CPVL: variants seen among roughly 807,000 people sequenced by gnomAD.
The protein encoded by CPVL is probable serine carboxypeptidase CPVL.
In CPVL, 51 loss-of-function variants were observed where a neutral mutation model predicts 63.7. That is an observed-to-expected ratio of 0.80 (90% CI 0.64 to 1.01). The LOEUF (loss-of-function observed/expected upper bound fraction) is 1.01. CPVL is among the 50% of genes least tolerant of loss of function. The probability of loss-of-function intolerance (pLI) is 0.00; values close to 1 mark genes in which losing one functional copy is unlikely to be tolerated. For synonymous variants in CPVL, 195 were observed against 206.0 expected (o/e 0.95, Z 0.46); for missense variants, 530 against 573.1 (o/e 0.92, Z 0.77).
chr7:29,007,741 T>G (rs1410710426), intron 12 of CPVL, among the ~76,000 whole-genome samples: 1 of 137,116 alleles, frequency 7.3e-6, no homozygotes, highest in Non-Finnish European at 1.5e-5. Flanking sequence ...CCTTGAGAGA[T>G]GTAGTATTAA....
At chr7:29,075,141 G>A (rs909666846) in intron 7 of CPVL, among the ~76,000 whole-genome samples, 2 of 152,050 alleles carry the variant, frequency 1.3e-5, no homozygotes, top group Non-Finnish European at 2.9e-5. Flanking sequence ...TTTCTGACAT[G>A]GAAGGGCATG....
chr7:29,128,588 C>A (rs58199985), intron 1 of CPVL, among the ~76,000 whole-genome samples: 1 of 151,490 alleles, frequency 6.6e-6, no homozygotes, highest in African/African-American at 2.4e-5. Flanking sequence ...TGGTGGCACA[C>A]GCCTGTAATC....
intron 1 of CPVL, chr7:29,192,724 T>C (rs886949765): frequency 6.6e-6 from 1 of 150,946 alleles, no homozygotes; most frequent in Admixed American, 6.6e-5. Context: ...TTGTGGCAGG[T>C]GTAGAAACTG....
chr7:29,088,951 G>T (rs1242730590), intron 6 of CPVL, among the ~76,000 whole-genome samples: 1 of 152,160 alleles, frequency 6.6e-6, no homozygotes, highest in Non-Finnish European at 1.5e-5. Flanking sequence ...CTCCAGCCTG[G>T]CGACATAGTG....
chr7:29,028,966 CA>C (rs59054295), intron 12 of CPVL, among the ~76,000 whole-genome samples: 2,169 of 88,474 alleles, frequency 0.025, 40 homozygotes, highest in African/African-American at 0.078. Flanking sequence ...GACTCCATCT[CA>C]AAAAAAAAAA....
chr7:29,059,507 A>C (rs1377133055), intron 11 of CPVL, among the ~76,000 whole-genome samples: 1 of 152,240 alleles, frequency 6.6e-6, no homozygotes, highest in Non-Finnish European at 1.5e-5. Context: ...AGCATGATCA[A>C]GTGGGATTTA....
intron 9 of CPVL, among the ~76,000 whole-genome samples, chr7:29,071,200 C>T (rs1304653589): frequency 2.0e-5 from 3 of 152,036 alleles, no homozygotes; most frequent in East Asian, 1.9e-4. Context: ...GAGTGAAGAA[C>T]GTAATTATTG....
intron 1 of CPVL, among the ~76,000 whole-genome samples, chr7:29,130,098 T>C (rs1467780492): frequency 6.6e-6 from 1 of 152,166 alleles, no homozygotes; most frequent in Non-Finnish European, 1.5e-5. Flanking sequence ...GTTACCCAGA[T>C]GGTGGTGTTT....
At chr7:29,160,120 A>C (rs1794975422) in intron 5 of CPVL, among the ~76,000 whole-genome samples, 1 of 152,132 alleles carries the variant, frequency 6.6e-6, no homozygotes, top group African/African-American at 2.4e-5. Context: ...CTTTCCTAAG[A>C]TCAACATGGT....
At chr7:29,164,575 A>G (rs1795643296) in intron 5 of CPVL, among the ~76,000 whole-genome samples, 1 of 151,912 alleles carries the variant, frequency 6.6e-6, no homozygotes, top group Admixed American at 6.6e-5. Flanking sequence ...ATTTGAACTC[A>G]GAAGAGACCA....
At position 29,066,065 on chromosome 7, in the gene CPVL, A is replaced by G; in HGVS notation, c.921T>C (p.Asn307=). The change falls in exon 10 of 13, where the codon AAT becomes AAC. Residue 307 remains asparagine, a synonymous_variant. Transcript: ENST00000265394. ...DLTSDPSYFQ[N]VTGCSNYYNF... is the part of the protein sequence containing the mutation. ...TATAGTAATTACTACATCCTGTAAC[A>G]TTCTGGAAGTAAGAAGGATCACTTG... 1 of 1,610,174 alleles carries G rather than the reference A, an allele frequency of 6.2e-7. No individual in the cohort carries two copies. Among genetic ancestry groups the G allele is most frequent in the Non-Finnish European group, 8.5e-7 (1 of 1,177,166 alleles).
At chr7:29,029,838 G>C (rs1230485714) in intron 12 of CPVL, among the ~76,000 whole-genome samples, 1 of 152,118 alleles carries the variant, frequency 6.6e-6, no homozygotes, top group Non-Finnish European at 1.5e-5. Context: ...CATGTTTGAG[G>C]TGATGGATAT....
chr7:29,133,266 A>T (rs1409552557), intron 1 of CPVL, among the ~76,000 whole-genome samples: 1 of 151,986 alleles, frequency 6.6e-6, no homozygotes, highest in East Asian at 1.9e-4. Flanking sequence ...CATCTTGCCA[A>T]AATCATTAAT....
chr7:29,182,045 T>A (rs2190646), intron 4 of CPVL, among the ~76,000 whole-genome samples: 19,767 of 152,230 alleles, frequency 0.13, 1,804 homozygotes, highest in East Asian at 0.44. Context: ...TTATAACTAT[T>A]TCTTTCAGTG....
intron 5 of CPVL, among the ~76,000 whole-genome samples, chr7:29,165,128 TAA>T (rs1795737215): frequency 6.6e-6 from 1 of 152,200 alleles, no homozygotes; most frequent in African/African-American, 2.4e-5. Flanking sequence ...GCATTTAATC[TAA>T]AGATCAATGT....
intron 1 of CPVL, among the ~76,000 whole-genome samples, chr7:29,123,610 AAAAAAAAAAAAAAAAAAAATATATAT>A (rs1393698920): frequency 4.0e-4 from 37 of 93,046 alleles, no homozygotes; most frequent in African/African-American, 1.7e-3. Context: ...AAAAAAAAAA[AAAAAAAAAAAAAAAAAAAATATATAT>A]ATATATATAT....
chr7:29,052,609 A>AAT (rs1168065886), intron 11 of CPVL, among the ~76,000 whole-genome samples: 1 of 152,178 alleles, frequency 6.6e-6, no homozygotes, highest in Non-Finnish European at 1.5e-5. Flanking sequence ...TTGTATTCAG[A>AAT]ATGTATAAAG....
intron 5 of CPVL, among the ~76,000 whole-genome samples, chr7:29,160,937 CT>C (rs1455098789): frequency 1.3e-5 from 2 of 152,144 alleles, no homozygotes; most frequent in Admixed American, 6.5e-5. Context: ...TCTGTCACCC[CT>C]GAGATAATAT....
Position 28,995,735 on chromosome 7 carries a change from A to G in CPVL, c.*37T>C, listed in dbSNP as rs768418326. On this transcript the variant is annotated 3_prime_UTR_variant, in exon 13 of 13. Transcript: ENST00000265394. Reference sequence around the variant, plus strand: ...CTGTTTTTACGATTTTCTTTTCAGCAATGAAAACCTCTGATGTTCTCTTTT... The same window carrying G: ...CTGTTTTTACGATTTTCTTTTCAGCGATGAAAACCTCTGATGTTCTCTTTT... 2.5e-6 allele frequency: 3 copies of G among 1,212,604 alleles called. No homozygotes were observed. The East Asian group carries it at 7.4e-5, about 30-fold the overall frequency. 75.1% of individuals were successfully genotyped at this position (1,212,604 alleles called of 1,614,324 possible).
Sources: allele counts gnomAD v4.1 joint callset (sites outside exome capture counted in the v4.1 genomes callset), GRCh38; gene constraint gnomAD v4.1.1; transcripts MANE v1.5; gene names NCBI Gene and HGNC (gene_info 2026-07-23, HGNC 2026-07-21).